The following NRG1 variants were observed in gnomAD, a reference collection of about 807,000 sequenced individuals.
NRG1 encodes pro-neuregulin-1, membrane-bound isoform.
Under a neutral mutation model 63.8 loss-of-function variants are expected in NRG1, and 18 were observed. That is an observed-to-expected ratio of 0.28 (90% confidence interval 0.19 to 0.42). The LOEUF is 0.42. Among genes scored for constraint, NRG1 ranks in the 10% least tolerant of loss-of-function variants. NRG1 has a pLI of 1.00. For synonymous variants in NRG1, 302 were observed against 301.3 expected, an observed-to-expected ratio of 1.00 and a Z score of -0.02; for missense variants, 762 against 814.7, an observed-to-expected ratio of 0.94 and a Z score of 0.79.
At chr8:32,238,110 A>G (rs767590547) in intron 1 of NRG1, among the ~76,000 whole-genome samples, 16 of 152,158 alleles carry the variant, frequency 1.1e-4, no homozygotes, top group Non-Finnish European at 2.1e-4. Context: ...TTCGGTGTGT[A>G]GTCGGTGAGG....
chr8:32,536,734 A>G, intron 1 of NRG1, among the ~76,000 whole-genome samples: 1 of 151,708 alleles, frequency 6.6e-6, no homozygotes, highest in East Asian at 2.0e-4. Flanking sequence ...CATCCTGGCT[A>G]ACACGGTGAA....
rs913537238 is a variant in NRG1 at position 32,751,276 on chromosome 8, T to A, written c.692-3096T>A. On this transcript the variant is annotated intron_variant, in intron 7 of 11. Coordinates refer to ENST00000356819, the Ensembl canonical transcript of NRG1. ...AAGTACAACTCAGAAAGGTAAGGGC[T>A]CTGTTTCTTGGCCAGGCCAGATCAG... 3.3e-5 allele frequency: 5 copies of A among 152,316 alleles called. No homozygotes were observed. The South Asian group carries it at 1.0e-3, about 32-fold the overall frequency. The allele number at this position is 152,316 out of a possible 1,614,324, so 9.4% of individuals were successfully genotyped here. A position where few individuals can be genotyped will look rare whatever the true frequency, so the allele number is the denominator to read the frequency against.
intron 1 of NRG1, among the ~76,000 whole-genome samples, chr8:32,269,532 T>C (rs1199003970): frequency 6.6e-6 from 1 of 152,090 alleles, no homozygotes; most frequent in African/African-American, 2.4e-5. Flanking sequence ...TCCAGGTCCA[T>C]GGGGAACAAG....
At chr8:32,091,095 C>T (rs756670819) in intron 1 of NRG1, among the ~76,000 whole-genome samples, 20 of 151,976 alleles carry the variant, frequency 1.3e-4, no homozygotes, top group African/African-American at 2.2e-4. Flanking sequence ...CTGGCTAACA[C>T]GGTGAAACCT....
At chr8:32,012,358 A>T (rs528805786) in intron 1 of NRG1, among the ~76,000 whole-genome samples, 2 of 152,178 alleles carry the variant, frequency 1.3e-5, no homozygotes, top group East Asian at 3.9e-4. Flanking sequence ...TTAGGTGCGG[A>T]GGGTTGCAGA....
chr8:32,423,509 G>A (rs1437015105), intron 1 of NRG1, among the ~76,000 whole-genome samples: 3 of 152,144 alleles, frequency 2.0e-5, no homozygotes, highest in Non-Finnish European at 4.4e-5. Context: ...GCCGGGCATG[G>A]TGGCTCTCGC....
rs5890598 is a variant in NRG1, at chr8:31,800,837, C to CTTTTT, written c.37+161423_37+161427dup. On this transcript the variant is annotated intron_variant, in intron 1 of 10. Coordinates refer to the NRG1 transcript ENST00000519301. Reference sequence around the variant, plus strand: ...GATTTAGATTTCTCCAGTCTCCTTTCTTTTTTTTTTTTTTTTTTTTTGAGA... The same window carrying CTTTTT: ...GATTTAGATTTCTCCAGTCTCCTTTCTTTTTTTTTTTTTTTTTTTTTTTTTTGAGA... Among the ~76,000 whole-genome samples the CTTTTT allele has an allele frequency of 6.3e-3, 661 of 104,934 alleles. 5 individuals carry two copies. The highest frequency in any genetic ancestry group is 8.4e-3 in the Non-Finnish European group (450 of 53,698). The allele number at this position is 104,934 out of a possible 152,430, so 68.8% of individuals were successfully genotyped here. A position where few individuals can be genotyped will look rare whatever the true frequency, so the allele number is the denominator to read the frequency against.
At chr8:32,470,102 A>C (rs1215246088) in intron 1 of NRG1, among the ~76,000 whole-genome samples, 1 of 139,556 alleles carries the variant, frequency 7.2e-6, no homozygotes. Flanking sequence ...TGATCTCCTG[A>C]CTTCATGTGA....
rs1818217416 is a variant in NRG1, at chr8:32,432,090, A to C, written c.38-163738A>C. ...TTCCTAATTGTAGAATTTTCCTGTT[A>C]AACTATCAGGTGGGAAAGGCCTGTC... On this transcript the variant is annotated intron_variant, in intron 1 of 10. Coordinates refer to the NRG1 transcript ENST00000519301. Among the ~76,000 whole-genome samples the C allele has an allele frequency of 1.3e-5, 2 of 152,192 alleles. 1 individual carries two copies. Among genetic ancestry groups the C allele is most frequent in the Admixed American group, 1.3e-4 (2 of 15,264 alleles).
intron 9 of NRG1, among the ~76,000 whole-genome samples, chr8:32,758,471 G>A (rs894630286): frequency 1.3e-5 from 2 of 150,690 alleles, no homozygotes; most frequent in African/African-American, 4.9e-5. Flanking sequence ...CAACTACTCG[G>A]GAGGGTGAGG....
At chr8:32,677,848 A>G (rs1217593140) in intron 5 of NRG1, among the ~76,000 whole-genome samples, 1 of 152,130 alleles carries the variant, frequency 6.6e-6, no homozygotes, top group Non-Finnish European at 1.5e-5. Flanking sequence ...TCGCACTTAT[A>G]AAGTCAAGAG....
In NRG1 at chr8:32,613,489, G is replaced by C. The variant is rs370260806; in HGVS notation, c.401-1025G>C. On this transcript the variant is annotated intron_variant, in intron 3 of 11. Transcript: ENST00000356819. ...CTAAATGGCCATATCTGTATTTAAA[G>C]ATGATTATATTAGTAATAAAGTTTT... Among the ~76,000 whole-genome samples the C allele has an allele frequency of 7.9e-5, 12 of 151,974 alleles. No homozygotes were observed. In the South Asian group the frequency reaches 2.1e-3, roughly 26 times the overall value.
intron 1 of NRG1, among the ~76,000 whole-genome samples, chr8:32,496,406 A>AC (rs1374427684): frequency 1.3e-5 from 2 of 151,960 alleles, no homozygotes; most frequent in African/African-American, 4.8e-5. Context: ...ATAGAGTGGG[A>AC]CCCCCATTTC....
At chr8:31,869,983 A>C (rs1301736655) in intron 1 of NRG1, among the ~76,000 whole-genome samples, 1 of 152,220 alleles carries the variant, frequency 6.6e-6, no homozygotes, top group Non-Finnish European at 1.5e-5. Context: ...AAACAATGAG[A>C]TTCAGTATGT....
At chr8:31,875,854 A>G (rs2129612103) in intron 1 of NRG1, among the ~76,000 whole-genome samples, 1 of 152,240 alleles carries the variant, frequency 6.6e-6, no homozygotes, top group South Asian at 2.1e-4. Flanking sequence ...ATAAGCATGC[A>G]TTTCTCAATA....
intron 1 of NRG1, among the ~76,000 whole-genome samples, chr8:31,975,652 G>C (rs771191028): frequency 2.0e-4 from 31 of 152,288 alleles, no homozygotes; most frequent in Middle Eastern, 6.8e-3. Flanking sequence ...ACTATCTCTA[G>C]GATAATTATG....
chr8:31,700,691 A>G (rs1810542290), intron 1 of NRG1, among the ~76,000 whole-genome samples: 1 of 152,194 alleles, frequency 6.6e-6, no homozygotes, highest in African/African-American at 2.4e-5. Context: ...CTGCTCCAGT[A>G]CATGAAATTT....
chr8:32,762,236 G>A (rs1415516841), intron 11 of NRG1, among the ~76,000 whole-genome samples: 1 of 151,866 alleles, frequency 6.6e-6, no homozygotes, highest in Admixed American at 6.6e-5. Context: ...TTTTTTTAAT[G>A]TATTAAGGAA....
intron 5 of NRG1, 65 bp downstream of exon 5, chr8:32,616,950 C>A: frequency 1.7e-6 from 2 of 1,168,152 alleles, no homozygotes; most frequent in South Asian, 2.4e-5. Flanking sequence ...TTTGGAAGGT[C>A]ATGTTCACGT....
Sources: gnomAD v4.1 joint callset for allele counts (sites outside exome capture counted in the v4.1 genomes callset) on GRCh38, gnomAD v4.1.1 for gene constraint, MANE v1.5 for transcripts, NCBI Gene and HGNC (gene_info 2026-07-23, HGNC 2026-07-21) for gene names.